The following IMMP2L variants were observed in gnomAD, a reference collection of about 807,000 sequenced individuals.
IMMP2L encodes mitochondrial inner membrane protease subunit 2.
IMMP2L carries 18 observed loss-of-function variants against 19.3 expected under a neutral mutation model. The ratio of observed to expected loss-of-function variants is 0.93; its 90% confidence interval spans 0.64 to 1.38. IMMP2L has a LOEUF of 1.38. Ranked by LOEUF, IMMP2L falls within the 40% of genes most tolerant of loss-of-function variation. IMMP2L has a pLI of 0.00. For synonymous variants in IMMP2L, 76 were observed against 73.0 expected (o/e 1.04, Z -0.21); for missense variants, 233 against 218.2 (o/e 1.07, Z -0.43).
intron 4 of IMMP2L, among the ~76,000 whole-genome samples, chr7:110,893,650 G>A (rs1811043987): frequency 6.6e-6 from 1 of 152,062 alleles, no homozygotes; most frequent in Admixed American, 6.6e-5. Context: ...TGATGCTGAG[G>A]TTTGAGATGT....
chr7:110,922,498 A>G (rs1399435454), intron 4 of IMMP2L, among the ~76,000 whole-genome samples: 1 of 152,186 alleles, frequency 6.6e-6, no homozygotes, highest in Non-Finnish European at 1.5e-5. Context: ...GTATTTTAGC[A>G]GGGTTTTTGT....
At chr7:111,307,846 G>A (rs969071132) in intron 3 of IMMP2L, among the ~76,000 whole-genome samples, 1 of 151,600 alleles carries the variant, frequency 6.6e-6, no homozygotes, top group African/African-American at 2.4e-5. Flanking sequence ...GTTGTTAGGT[G>A]TAAATCCAGT....
At chr7:111,077,088 A>G (rs1056176481) in intron 3 of IMMP2L, among the ~76,000 whole-genome samples, 2 of 152,156 alleles carry the variant, frequency 1.3e-5, no homozygotes, top group Non-Finnish European at 2.9e-5. Context: ...GAAATTCACA[A>G]CCTAAGGCCT....
chr7:111,015,595 A>G (rs1209466846), intron 3 of IMMP2L, among the ~76,000 whole-genome samples: 1 of 152,160 alleles, frequency 6.6e-6, no homozygotes, highest in Non-Finnish European at 1.5e-5. Context: ...TTATTGTTTG[A>G]GTCTATCTAC....
At chr7:110,938,741 AC>A (rs1199837367) in intron 4 of IMMP2L, among the ~76,000 whole-genome samples, 1 of 152,176 alleles carries the variant, frequency 6.6e-6, no homozygotes, top group Admixed American at 6.6e-5. Context: ...ACAAAACAAT[AC>A]AAAAATAGTT....
At chr7:111,029,356 G>A (rs925665835) in intron 3 of IMMP2L, among the ~76,000 whole-genome samples, 10 of 152,148 alleles carry the variant, frequency 6.6e-5, no homozygotes, top group Non-Finnish European at 5.9e-5. Context: ...TGCTCTTGTG[G>A]GTGGTTGGGC....
intron 1 of IMMP2L, among the ~76,000 whole-genome samples, chr7:111,523,379 T>C (rs1005504851): frequency 2.0e-5 from 3 of 152,026 alleles, no homozygotes; most frequent in Non-Finnish European, 2.9e-5. Flanking sequence ...CATTATGTTG[T>C]ATACAATAAA....
chr7:110,773,233 T>C (rs1156582664), intron 5 of IMMP2L, among the ~76,000 whole-genome samples: 2 of 152,104 alleles, frequency 1.3e-5, no homozygotes, highest in Non-Finnish European at 2.9e-5. Context: ...GTTGAACCTT[T>C]CGATGTTTCA....
chr7:111,007,105 C>A (rs573677195), intron 3 of IMMP2L, among the ~76,000 whole-genome samples: 1 of 152,024 alleles, frequency 6.6e-6, no homozygotes, highest in Non-Finnish European at 1.5e-5. Context: ...GCTGGGGAGG[C>A]CTCAGGAAGC....
At chr7:111,192,027 G>A (rs961021403) in intron 3 of IMMP2L, among the ~76,000 whole-genome samples, 1 of 151,982 alleles carries the variant, frequency 6.6e-6, no homozygotes, top group Non-Finnish European at 1.5e-5. Flanking sequence ...AACAGAAGTC[G>A]CACTGGCACA....
chr7:111,208,062 C>T (rs1373138689), intron 3 of IMMP2L, among the ~76,000 whole-genome samples: 1 of 152,072 alleles, frequency 6.6e-6, no homozygotes, highest in Non-Finnish European at 1.5e-5. Flanking sequence ...TCCAGGATTC[C>T]ACTTTTACTG....
chr7:111,481,132 G>T (rs1842148404), intron 3 of IMMP2L, among the ~76,000 whole-genome samples: 2 of 152,068 alleles, frequency 1.3e-5, no homozygotes, highest in African/African-American at 4.8e-5. Flanking sequence ...TGTTGAAACT[G>T]CTGTATTATG....
intron 3 of IMMP2L, among the ~76,000 whole-genome samples, chr7:111,229,472 T>C (rs1337442058): frequency 1.3e-5 from 2 of 152,044 alleles, no homozygotes; most frequent in African/African-American, 2.4e-5. Context: ...TTATCCCTGG[T>C]TTCTGATAGG....
chr7:111,309,182 G>GA (rs1238021770), intron 3 of IMMP2L, among the ~76,000 whole-genome samples: 2 of 152,118 alleles, frequency 1.3e-5, no homozygotes, highest in East Asian at 3.9e-4. Context: ...ATGTACTGGA[G>GA]AAAATACAAT....
intron 3 of IMMP2L, among the ~76,000 whole-genome samples, chr7:111,000,516 T>A (rs1823548379): frequency 6.6e-6 from 1 of 152,082 alleles, no homozygotes; most frequent in Admixed American, 6.6e-5. Flanking sequence ...CATATAGCAT[T>A]TATAACTTAT....
chr7:111,251,194 T>C (rs112374717), intron 3 of IMMP2L, among the ~76,000 whole-genome samples: 1 of 152,060 alleles, frequency 6.6e-6, no homozygotes, highest in African/African-American at 2.4e-5. Context: ...AAAATCACAA[T>C]GAGATACCAT....
intron 4 of IMMP2L, among the ~76,000 whole-genome samples, chr7:110,895,652 T>C (rs1811246554): frequency 6.6e-6 from 1 of 152,180 alleles, no homozygotes; most frequent in African/African-American, 2.4e-5. Flanking sequence ...GTGTTCTGAT[T>C]AATGAACATA....
rs186386150 is a variant in IMMP2L at position 111,431,843 on chromosome 7, G to A, written c.239+55395C>T. On this transcript the variant is annotated intron_variant, in intron 3 of 5. Transcript: ENST00000405709. Reference sequence around the variant, plus strand: ...TTTCTAGTTGAGACCTTTGCTGAATGTCTAAGAATTGGAAAAACAATGAAG... The same window carrying A: ...TTTCTAGTTGAGACCTTTGCTGAATATCTAAGAATTGGAAAAACAATGAAG... Among the ~76,000 whole-genome samples the A allele has an allele frequency of 2.0e-4, 30 of 151,790 alleles. 2 individuals carry two copies. The highest frequency in any genetic ancestry group is 7.3e-4 in the African/African-American group (30 of 41,202).
intron 3 of IMMP2L, among the ~76,000 whole-genome samples, chr7:111,169,108 G>A (rs530813176): frequency 2.2e-4 from 34 of 151,992 alleles, no homozygotes; most frequent in African/African-American, 7.2e-4. Flanking sequence ...TAAAAGTAAC[G>A]CTGAGATTAA....
Sources: gnomAD v4.1 joint callset for allele counts (sites outside exome capture counted in the v4.1 genomes callset) on GRCh38, gnomAD v4.1.1 for gene constraint, MANE v1.5 for transcripts, NCBI Gene and HGNC (gene_info 2026-07-23, HGNC 2026-07-21) for gene names.